The following KLHL1 variants were observed in gnomAD, a reference collection of about 807,000 sequenced individuals.
KLHL1 encodes the protein kelch like family member 1.
A neutral mutation model predicts 77.7 loss-of-function variants in KLHL1; 47 were observed. That is an observed-to-expected ratio of 0.60 (90% CI 0.48 to 0.77). KLHL1 has a LOEUF of 0.77. Among genes scored for constraint, KLHL1 ranks in the 30% least tolerant of loss-of-function variants. The pLI, the probability that KLHL1 is intolerant of heterozygous loss-of-function variation, is 0.00. For missense variants in KLHL1, 925 were observed against 910.8 expected (o/e 1.02, Z -0.20); for synonymous variants, 360 against 325.2 (o/e 1.11, Z -1.15).
At chr13:69,738,676 C>T (rs1873861770) in intron 8 of KLHL1, among the ~76,000 whole-genome samples, 1 of 151,782 alleles carries the variant, frequency 6.6e-6, no homozygotes, top group Non-Finnish European at 1.5e-5. Context: ...CTTGTTGAAA[C>T]AAGGCAGGCA....
intron 3 of KLHL1, among the ~76,000 whole-genome samples, chr13:69,943,737 GATT>G (rs1485492638): frequency 2.0e-5 from 3 of 152,068 alleles, no homozygotes; most frequent in African/African-American, 7.2e-5. Context: ...ATTTTAAACT[GATT>G]ATAACACTTT....
chr13:69,784,831 G>A (rs868136967), intron 7 of KLHL1, among the ~76,000 whole-genome samples: 5,656 of 149,066 alleles, frequency 0.038, 127 homozygotes, highest in Middle Eastern at 0.062. Context: ...TGCACCAAGC[G>A]GACCTAATAG....
At chr13:69,800,439 TCA>T (rs1327936449) in intron 6 of KLHL1, among the ~76,000 whole-genome samples, 1 of 152,188 alleles carries the variant, frequency 6.6e-6, no homozygotes, top group African/African-American at 2.4e-5. Flanking sequence ...TCAATCTTGC[TCA>T]GTTATATAAA....
At chr13:70,015,614 G>C (rs992217863) in intron 1 of KLHL1, among the ~76,000 whole-genome samples, 2 of 152,026 alleles carry the variant, frequency 1.3e-5, no homozygotes, top group African/African-American at 4.8e-5. Flanking sequence ...AATTACATGA[G>C]ATGTTGAATA....
At chr13:70,047,468 G>C (rs1886531276) in intron 1 of KLHL1, among the ~76,000 whole-genome samples, 1 of 151,738 alleles carries the variant, frequency 6.6e-6, no homozygotes, top group Admixed American at 6.6e-5. Context: ...GTCCCATATA[G>C]TAGAAAACTT....
intron 5 of KLHL1, among the ~76,000 whole-genome samples, chr13:69,862,376 C>T (rs1405544465): frequency 6.6e-6 from 1 of 152,006 alleles, no homozygotes; most frequent in African/African-American, 2.4e-5. Flanking sequence ...TCTGAAGTTC[C>T]ATTTTACCAA....
At chr13:69,962,515 A>C (rs959883749) in intron 2 of KLHL1, among the ~76,000 whole-genome samples, 1 of 152,004 alleles carries the variant, frequency 6.6e-6, no homozygotes, top group Admixed American at 6.6e-5. Flanking sequence ...GTTTTTTTCT[A>C]TATTAAGAGG....
At chr13:69,706,950 G>A (rs1479192189) in intron 10 of KLHL1, among the ~76,000 whole-genome samples, 1 of 151,846 alleles carries the variant, frequency 6.6e-6, no homozygotes, top group African/African-American at 2.4e-5. Context: ...GCATGATCCT[G>A]AGTCTCTAAC....
intron 10 of KLHL1, among the ~76,000 whole-genome samples, chr13:69,705,769 A>G (rs1875596886): frequency 1.3e-5 from 2 of 151,744 alleles, no homozygotes; most frequent in South Asian, 2.1e-4. Flanking sequence ...GTAAAATACT[A>G]TATGATCCAA....
In KLHL1 at chr13:69,790,996, GAA is replaced by G. The variant is rs764105742; in HGVS notation, c.1639+5740_1639+5741del. Reference sequence around the variant, plus strand: ...AAAAAGGAGAAACATATTTAATAGTGAAAGTCACTTGTATAGTGAATGCTGGA... The same window carrying G: ...AAAAAGGAGAAACATATTTAATAGTGAGTCACTTGTATAGTGAATGCTGGA... On this transcript the variant is annotated intron_variant, in intron 7 of 10. Transcript: ENST00000377844. Among the ~76,000 whole-genome samples the G allele has an allele frequency of 6.3e-4, 96 of 152,188 alleles. 1 individual carries two copies. Among genetic ancestry groups the G allele is most frequent in the Admixed American group, 1.0e-3 (16 of 15,258 alleles).
chr13:69,904,857 C>T (rs1593935975), intron 4 of KLHL1, among the ~76,000 whole-genome samples: 1 of 152,124 alleles, frequency 6.6e-6, no homozygotes, highest in South Asian at 2.1e-4. Context: ...CTTTAACTGC[C>T]TTGGAATCTT....
chr13:70,087,867 A>G, intron 1 of KLHL1, among the ~76,000 whole-genome samples: 1 of 152,150 alleles, frequency 6.6e-6, no homozygotes. Flanking sequence ...AGGATTACAA[A>G]TAGATGCTCT....
chr13:70,019,637 A>G (rs990496365), intron 1 of KLHL1, among the ~76,000 whole-genome samples: 6 of 152,156 alleles, frequency 3.9e-5, no homozygotes, highest in Non-Finnish European at 7.3e-5. Context: ...TCTATTTTAC[A>G]AATGATGAAA....
At chr13:69,951,661 G>A (rs1305983341) in intron 3 of KLHL1, among the ~76,000 whole-genome samples, 1 of 151,390 alleles carries the variant, frequency 6.6e-6, no homozygotes, top group Non-Finnish European at 1.5e-5. Context: ...CAAAGATTTT[G>A]TATTTTTGTT....
chr13:69,781,871 T>C (rs1159981568), intron 7 of KLHL1, among the ~76,000 whole-genome samples: 1 of 151,720 alleles, frequency 6.6e-6, no homozygotes, highest in Non-Finnish European at 1.5e-5. Context: ...ACTTTCTAAT[T>C]ATTGCTTTTT....
chr13:69,787,780 C>T (rs1876636313), intron 7 of KLHL1, among the ~76,000 whole-genome samples: 1 of 152,064 alleles, frequency 6.6e-6, no homozygotes, highest in Non-Finnish European at 1.5e-5. Flanking sequence ...GGGCTAATAT[C>T]CAGAATCTAC....
chr13:70,090,144 TATGTTGGAGTTTCAAA>T (rs2137440981), intron 1 of KLHL1, among the ~76,000 whole-genome samples: 1 of 152,246 alleles, frequency 6.6e-6, no homozygotes, highest in East Asian at 1.9e-4. Flanking sequence ...AGTCTATTTA[TATGTTGGAGTTTCAAA>T]ATGAAACTCC....
At chr13:70,054,679 G>A (rs1212903715) in intron 1 of KLHL1, among the ~76,000 whole-genome samples, 1 of 150,684 alleles carries the variant, frequency 6.6e-6, no homozygotes, top group African/African-American at 2.4e-5. Context: ...ACCCAGAGAA[G>A]GAATTCAGAA....
At chr13:69,717,478 C>T (rs1166419497) in intron 9 of KLHL1, among the ~76,000 whole-genome samples, 1 of 152,164 alleles carries the variant, frequency 6.6e-6, no homozygotes, top group Non-Finnish European at 1.5e-5. Flanking sequence ...CTCATATCCA[C>T]TGCACTCCTA....
Sources: allele counts gnomAD v4.1 joint callset (sites outside exome capture counted in the v4.1 genomes callset), GRCh38; gene constraint gnomAD v4.1.1; transcripts MANE v1.5; gene names NCBI Gene and HGNC (gene_info 2026-07-23, HGNC 2026-07-21).